ATP11B: variants seen among roughly 807,000 people sequenced by gnomAD.
The protein encoded by ATP11B is phospholipid-transporting ATPase IF.
ATP11B carries 81 observed loss-of-function variants against 157.8 expected under a neutral mutation model. The observed-to-expected ratio is 0.51, with a 90% CI of 0.43 to 0.62. ATP11B has a LOEUF of 0.62. Among genes scored for constraint, ATP11B ranks in the 20% least tolerant of loss-of-function variants. The pLI is 0.00. For missense variants in ATP11B, 1,165 were observed against 1,402.2 expected (o/e 0.83, Z 2.70); for synonymous variants, 451 against 469.4 (o/e 0.96, Z 0.51).
At chr3:182,897,757 A>T (rs1723656586) in intron 27 of ATP11B, among the ~76,000 whole-genome samples, 1 of 152,066 alleles carries the variant, frequency 6.6e-6, no homozygotes, top group Non-Finnish European at 1.5e-5. Context: ...TATATTATGT[A>T]TTAATGTATT....
intron 26 of ATP11B, 131 bp downstream of exon 26, chr3:182,896,896 C>T: frequency 4.5e-6 from 3 of 664,582 alleles, no homozygotes; most frequent in African/African-American, 1.8e-5. Context: ...TCACTGGTTA[C>T]TATTTTAATA....
intron 1 of ATP11B, among the ~76,000 whole-genome samples, chr3:182,811,222 T>C (rs1716645762): frequency 6.6e-6 from 1 of 152,176 alleles, no homozygotes; most frequent in African/African-American, 2.4e-5. Flanking sequence ...TTCATAAAAG[T>C]TCTGACAAAA....
chr3:182,831,243 C>T (rs1023776577), intron 4 of ATP11B, among the ~76,000 whole-genome samples: 3 of 152,096 alleles, frequency 2.0e-5, no homozygotes, highest in Non-Finnish European at 4.4e-5. Context: ...CACTACCATC[C>T]AACCACCGCA....
chr3:182,913,854 C>T lies in ATP11B; in HGVS notation c.3319-7C>T, dbSNP rs1724963479. The T allele has an allele frequency of 2.5e-6, 4 of 1,613,938 alleles. No homozygotes were observed. Among genetic ancestry groups the T allele is most frequent in the African/African-American group, 1.3e-5 (1 of 74,930 alleles). ...ACAACTGATGTTTTCTGCTTCACCTCCCGCAGCTTACTGAAACAAATGCAG... is the reference window on the plus strand; with the variant it reads ...ACAACTGATGTTTTCTGCTTCACCTTCCGCAGCTTACTGAAACAAATGCAG... On this transcript the variant is annotated splice_region_variant and splice_polypyrimidine_tract_variant and intron_variant, in intron 28 of 29. Coordinates refer to ENST00000323116, the MANE Select transcript of ATP11B (RefSeq NM_014616.3).
At chr3:182,855,687 T>G (rs1239059244) in intron 10 of ATP11B, among the ~76,000 whole-genome samples, 1 of 152,050 alleles carries the variant, frequency 6.6e-6, no homozygotes, top group East Asian at 1.9e-4. Flanking sequence ...AGTAATTCAG[T>G]GATCCAATTA....
At chr3:182,838,001 G>A (rs1050526151) in intron 7 of ATP11B, among the ~76,000 whole-genome samples, 3 of 152,060 alleles carry the variant, frequency 2.0e-5, no homozygotes, top group Admixed American at 6.6e-5. Context: ...CAAATTTGTA[G>A]AAATCACCCT....
intron 29 of ATP11B, 45 bp downstream of exon 29, chr3:182,914,039 A>G: frequency 3.1e-6 from 5 of 1,609,010 alleles, no homozygotes; most frequent in Non-Finnish European, 3.4e-6. Flanking sequence ...TGAGTATCCT[A>G]TCTGGAACAG....
intron 18 of ATP11B, 84 bp downstream of exon 18, chr3:182,872,621 T>C: frequency 7.9e-6 from 9 of 1,144,996 alleles, no homozygotes; most frequent in South Asian, 1.8e-5. Flanking sequence ...ACATAAATTC[T>C]CTTTACTAAC....
rs1720549105 is a variant in ATP11B at position 182,858,021 on chromosome 3, G to C, written c.995G>C (p.Ser332Thr). 6.2e-7 allele frequency: 1 copy of C among 1,610,100 alleles called. No homozygotes were observed. Among genetic ancestry groups the C allele is most frequent in the Non-Finnish European group, 8.5e-7 (1 of 1,177,270 alleles). Residue 332 changes from serine to threonine, a missense_variant, in exon 11 of 30, where the codon AGC becomes ACC. Physicochemically the swap from Ser to Thr is moderately conservative, Grantham distance 58 (BLOSUM62 1). This residue lies in a region of ATP11B where 737 missense variants were observed against 930.5 expected (regional missense o/e 0.79). Coordinates refer to ENST00000323116, the MANE Select transcript of ATP11B (RefSeq NM_014616.3). The stretch of plus-strand genomic sequence containing the variant: ...CAAAAAACAGAACATCAAAGAAATA[G>C]CAGTAAGGTATTTTATGGTGTTATT... ...YNQKTEHQRN[S>T]SKILRFISDF...
At chr3:182,854,674 C>G (rs1173454441) in intron 10 of ATP11B, among the ~76,000 whole-genome samples, 1 of 151,980 alleles carries the variant, frequency 6.6e-6, no homozygotes, top group East Asian at 1.9e-4. Context: ...ACGTTACAAA[C>G]TGGGAGACAA....
chr3:182,871,081 T>C (rs1395450120), intron 17 of ATP11B, among the ~76,000 whole-genome samples: 1 of 152,132 alleles, frequency 6.6e-6, no homozygotes, highest in Non-Finnish European at 1.5e-5. Flanking sequence ...GCAGTATCAC[T>C]TGTGGCCAGG....
chr3:182,896,090 C>G, intron 25 of ATP11B, among the ~76,000 whole-genome samples: 1 of 152,156 alleles, frequency 6.6e-6, no homozygotes, highest in East Asian at 1.9e-4. Context: ...AGATAAAATC[C>G]TGAAACTCTT....
chr3:182,862,668 T>G (rs1399231829), intron 12 of ATP11B, among the ~76,000 whole-genome samples: 1 of 152,186 alleles, frequency 6.6e-6, no homozygotes, highest in Non-Finnish European at 1.5e-5. Context: ...CCTGAGCGTT[T>G]CTGAGAATGG....
intron 1 of ATP11B, among the ~76,000 whole-genome samples, chr3:182,796,611 CATATTTGA>C (rs1193377967): frequency 6.6e-6 from 1 of 152,150 alleles, no homozygotes; most frequent in East Asian, 1.9e-4. Flanking sequence ...TGTGTCAGTA[CATATTTGA>C]ATGTAATACT....
intron 28 of ATP11B, 57 bp downstream of exon 28, chr3:182,898,829 A>T: frequency 1.7e-6 from 2 of 1,151,074 alleles, no homozygotes; most frequent in Non-Finnish European, 2.3e-6. Context: ...TTTAATAATG[A>T]ATAGCTGTCA....
At chr3:182,804,543 T>TTTCTTAACTCCAGTG (rs544454724) in intron 1 of ATP11B, among the ~76,000 whole-genome samples, 2 of 152,320 alleles carry the variant, frequency 1.3e-5, no homozygotes, top group African/African-American at 4.8e-5. Context: ...GGAATTTAGA[T>TTTCTTAACTCCAGTG]TTCTTAACTC....
chr3:182,820,871 T>C (rs1717295648), intron 2 of ATP11B, among the ~76,000 whole-genome samples: 1 of 152,186 alleles, frequency 6.6e-6, no homozygotes, highest in Admixed American at 6.5e-5. Flanking sequence ...AAATTATCTT[T>C]AGTTGCTAGT....
intron 28 of ATP11B, among the ~76,000 whole-genome samples, chr3:182,900,689 C>A (rs1352470096): frequency 6.6e-6 from 1 of 152,160 alleles, no homozygotes; most frequent in East Asian, 1.9e-4. Flanking sequence ...TAATTTGTCT[C>A]CCTGTTTTGA....
intron 25 of ATP11B, among the ~76,000 whole-genome samples, chr3:182,893,226 TTTA>T (rs1488766278): frequency 3.3e-5 from 5 of 152,192 alleles, no homozygotes; most frequent in African/African-American, 1.2e-4. Flanking sequence ...GTTTAGTTTT[TTTA>T]TTATTTACTT....
Sources: allele counts gnomAD v4.1 joint callset (sites outside exome capture counted in the v4.1 genomes callset), GRCh38; gene constraint gnomAD v4.1.1; regional missense constraint gnomAD v4.1.1; transcripts MANE v1.5; gene names NCBI Gene and HGNC (gene_info 2026-07-23, HGNC 2026-07-21).